LOC400499: variants seen among roughly 807,000 people sequenced by gnomAD.
At chr16:11,394,892 T>A in the LOC400499 span, among the ~76,000 whole-genome samples, 1 of 152,218 alleles carries the variant, frequency 6.6e-6, no homozygotes, top group Admixed American at 6.5e-5. Flanking sequence ...TCTAGAACTG[T>A]GACACCATAC....
At chr16:11,509,978 G>A in the LOC400499 span, among the ~76,000 whole-genome samples, 22 of 151,850 alleles carry the variant, frequency 1.4e-4, 2 homozygotes, top group South Asian at 1.0e-3. Context: ...CATTTTAACC[G>A]TGTCCTTTTG....
At chr16:11,399,707 C>T in the LOC400499 span, 1 of 398,922 alleles carries the variant, frequency 2.5e-6, no homozygotes, top group East Asian at 3.6e-5. Context: ...CATACCTGCC[C>T]CGGGGAGGCG....
At chr16:11,462,524 G>A in the LOC400499 span, 2 of 729,726 alleles carry the variant, frequency 2.7e-6, no homozygotes, top group Non-Finnish European at 3.4e-6. Flanking sequence ...CCACCTCCTG[G>A]GTTCAAGTGA....
chr16:11,447,347 CAT>C, the LOC400499 span, among the ~76,000 whole-genome samples: 2 of 152,142 alleles, frequency 1.3e-5, no homozygotes, highest in Admixed American at 1.3e-4. Context: ...TTAGAGATAA[CAT>C]ACATGAAACG....
chr16:11,382,222 G>A, the LOC400499 span, among the ~76,000 whole-genome samples: 4 of 152,320 alleles, frequency 2.6e-5, no homozygotes, highest in East Asian at 7.7e-4. Flanking sequence ...ACAGGCATAA[G>A]CCACCACACC....
chr16:11,486,410 A>AGATG, the LOC400499 span, among the ~76,000 whole-genome samples: 671 of 82,978 alleles, frequency 8.1e-3, 62 homozygotes, highest in African/African-American at 0.033. Flanking sequence ...TTGAGTGAAT[A>AGATG]GATGGATGGA....
chr16:11,387,121 G>T, the LOC400499 span: 3 of 1,232,178 alleles, frequency 2.4e-6, no homozygotes, highest in Non-Finnish European at 3.0e-6. Context: ...ATTCCCAGGG[G>T]CCCGCCAGCA....
chr16:11,521,829 T>C, the LOC400499 span: 4 of 396,910 alleles, frequency 1.0e-5, no homozygotes, highest in Admixed American at 4.4e-5. Context: ...TTGCCAAATA[T>C]AAGATTCCTC....
At chr16:11,474,598 G>A in the LOC400499 span, among the ~76,000 whole-genome samples, 2 of 152,138 alleles carry the variant, frequency 1.3e-5, 1 homozygote, top group East Asian at 3.9e-4. Context: ...AGCGGCTCAT[G>A]CCTGTAATCC....
chr16:11,376,029 G>A, the LOC400499 span, among the ~76,000 whole-genome samples: 1,027 of 152,302 alleles, frequency 6.7e-3, 10 homozygotes, highest in African/African-American at 0.023. Context: ...GTGAGCCACC[G>A]CGCCGGGCCC....
the LOC400499 span, among the ~76,000 whole-genome samples, chr16:11,409,677 T>C: frequency 2.6e-5 from 4 of 152,246 alleles, no homozygotes; most frequent in Admixed American, 2.0e-4. Context: ...AAATTGTATA[T>C]GGGCTGTACA....
At chr16:11,440,782 C>G in the LOC400499 span, 1 of 399,036 alleles carries the variant, frequency 2.5e-6, no homozygotes, top group Non-Finnish European at 4.4e-6. Flanking sequence ...GTTGAATGTT[C>G]CTTGGGGACT....
chr16:11,514,832 C>G, the LOC400499 span, among the ~76,000 whole-genome samples: 1 of 152,160 alleles, frequency 6.6e-6, no homozygotes, highest in East Asian at 1.9e-4. Context: ...AATGACAAAG[C>G]GTCAGTATGA....
the LOC400499 span, among the ~76,000 whole-genome samples, chr16:11,418,281 G>A: frequency 1.2e-4 from 18 of 152,326 alleles, no homozygotes; most frequent in South Asian, 2.9e-3. Context: ...GGTAAAGTAA[G>A]GCTGAGACCT....
At chr16:11,466,921 TTGTGTG>T in the LOC400499 span, among the ~76,000 whole-genome samples, 262 of 151,206 alleles carry the variant, frequency 1.7e-3, 1 homozygote, top group African/African-American at 6.1e-3. Flanking sequence ...TATATGTGTA[TTGTGTG>T]TGTGTGTGTG....
the LOC400499 span, among the ~76,000 whole-genome samples, chr16:11,383,441 G>T: frequency 6.6e-6 from 1 of 152,134 alleles, no homozygotes; most frequent in African/African-American, 2.4e-5. Context: ...CCAAACGGAG[G>T]GCACTAGGCC....
At chr16:11,421,310 A>T in the LOC400499 span, among the ~76,000 whole-genome samples, 4 of 152,182 alleles carry the variant, frequency 2.6e-5, no homozygotes, top group African/African-American at 9.7e-5. Flanking sequence ...AGGACTAGGC[A>T]TTCCCAGGGT....
chr16:11,453,360 A>T, the LOC400499 span, among the ~76,000 whole-genome samples: 1 of 152,182 alleles, frequency 6.6e-6, no homozygotes, highest in Non-Finnish European at 1.5e-5. Flanking sequence ...TGAGCAGCCG[A>T]CTCAAGCATA....
At chr16:11,374,556 C>CT in the LOC400499 span, among the ~76,000 whole-genome samples, 1 of 152,186 alleles carries the variant, frequency 6.6e-6, no homozygotes, top group Admixed American at 6.5e-5. Context: ...ACTCGAGGTC[C>CT]TTCAAATAAG....
Sources: gnomAD v4.1 joint callset for allele counts (sites outside exome capture counted in the v4.1 genomes callset) on GRCh38, gnomAD v4.1.1 for gene constraint, MANE v1.5 for transcripts.